CIDEA: variants seen among roughly 807,000 people sequenced by gnomAD.
CIDEA encodes the protein cell death inducing DFFA like effector a.
In CIDEA, 10 loss-of-function variants were observed where a neutral mutation model predicts 18.2. That is an observed-to-expected ratio of 0.55 (90% CI 0.34 to 0.93). The LOEUF (loss-of-function observed/expected upper bound fraction) is 0.93. Ranked by LOEUF, CIDEA falls within the 40% of genes least tolerant of loss-of-function variation. The pLI, the probability that CIDEA is intolerant of heterozygous loss-of-function variation, is 0.02. For synonymous variants in CIDEA, 128 were observed against 124.8 expected, an observed-to-expected ratio of 1.03 and a Z score of -0.17; for missense variants, 309 against 293.1, an observed-to-expected ratio of 1.05 and a Z score of -0.40.
chr18:12,262,741 TA>T, intron 1 of CIDEA, 83 bp from the exon 2 acceptor site: 1 of 1,315,476 alleles, frequency 7.6e-7, no homozygotes. Context: ...ATGCAAATAT[TA>T]AAAATGCATT....
rs1194472731 is a variant in CIDEA, at chr18:12,277,131, T to C, written c.521T>C (p.Leu174Pro). 1 of 1,614,132 alleles carries C rather than the reference T, an allele frequency of 6.2e-7. No homozygotes were observed. Among genetic ancestry groups the C allele is most frequent in the Non-Finnish European group, 8.5e-7 (1 of 1,180,006 alleles). The part of the protein sequence containing the change: ...TGLKGLLRSL[L>P]RFLSYSAQVT... ...ATCTGCCTCTGCCACAGGAGTCTGC[T>C]GCGGTTCCTGTCCTACTCCGCCCAG... Residue 174 changes from leucine to proline, a missense_variant, in exon 5 of 5, where the codon CTG (leucine) becomes CCG (proline). Transcript: ENST00000320477.
chr18:12,277,454 G>T lies in CIDEA; in HGVS notation c.*184G>T. 2.9e-6 allele frequency: 2 copies of T among 687,688 alleles called. No individual in the cohort carries two copies. Among genetic ancestry groups the T allele is most frequent in the Admixed American group, 2.9e-5 (1 of 34,306 alleles). The allele number at this position is 687,688 out of a possible 1,614,324, so 42.6% of individuals were successfully genotyped here. A position where few individuals can be genotyped will look rare whatever the true frequency, so the allele number is the denominator to read the frequency against. On this transcript the variant is annotated 3_prime_UTR_variant, in exon 5 of 5. Coordinates refer to ENST00000320477, the MANE Select transcript of CIDEA (RefSeq NM_001279.4). Reference sequence around the variant, plus strand: ...ACATGAAGTGGGGGCAGTGGGCAGGGTGCCCTGGGGGGGAGGCATAGAGGG... The same window carrying T: ...ACATGAAGTGGGGGCAGTGGGCAGGTTGCCCTGGGGGGGAGGCATAGAGGG...
At chr18:12,267,620 A>G (rs187587242) in intron 3 of CIDEA, among the ~76,000 whole-genome samples, 1 of 152,236 alleles carries the variant, frequency 6.6e-6, no homozygotes, top group East Asian at 1.9e-4. Flanking sequence ...CAGCCTCCCA[A>G]GTAGCTGGGA....
At chr18:12,254,619 G>T (rs1911965870) in intron 1 of CIDEA, 198 bp downstream of exon 1, 1 of 1,527,160 alleles carries the variant, frequency 6.5e-7, no homozygotes, top group African/African-American at 1.4e-5. Context: ...CGCGCCCGCG[G>T]GCAGAGCCCA....
In CIDEA at chr18:12,262,980, T is replaced by A; in HGVS notation, c.183+11T>A. ...GAGCTCATCAGCAAGGTGCCCCACA[T>A]CCCGCACCTCTCCCCCAGTCCACAG... On this transcript the variant is annotated intron_variant, in intron 2 of 4. Transcript: ENST00000320477. 6.2e-7 allele frequency: 1 copy of A among 1,613,384 alleles called. No individual in the cohort carries two copies. Among genetic ancestry groups the A allele is most frequent in the Admixed American group, 1.7e-5 (1 of 59,948 alleles).
At chr18:12,265,035 A>G (rs1293462736) in intron 3 of CIDEA, among the ~76,000 whole-genome samples, 1 of 152,232 alleles carries the variant, frequency 6.6e-6, no homozygotes, top group African/African-American at 2.4e-5. Flanking sequence ...GATCCTGTAA[A>G]TGCACGGAAT....
At chr18:12,263,000 C>G in intron 2 of CIDEA, 31 bp downstream of exon 2, 1 of 1,609,746 alleles carries the variant, frequency 6.2e-7, no homozygotes, top group Non-Finnish European at 8.5e-7. Context: ...CTCCCCCAGT[C>G]CACAGGGGTG....
At chr18:12,268,147 C>A (rs75685303) in intron 3 of CIDEA, among the ~76,000 whole-genome samples, 8 of 150,482 alleles carry the variant, frequency 5.3e-5, no homozygotes, top group African/African-American at 2.0e-4. Context: ...TCACTGCAAC[C>A]TATGCCTCCT....
chr18:12,269,961 A>C (rs1427509074), intron 3 of CIDEA, among the ~76,000 whole-genome samples: 1 of 152,020 alleles, frequency 6.6e-6, no homozygotes, highest in Non-Finnish European at 1.5e-5. Context: ...GCCTCCCAAA[A>C]TGTTGGGATT....
chr18:12,270,900 T>TTTTC, intron 3 of CIDEA, among the ~76,000 whole-genome samples: 1 of 135,388 alleles, frequency 7.4e-6, no homozygotes, highest in East Asian at 2.2e-4. Flanking sequence ...TTTTCTTTTT[T>TTTTC]TTTTTTTTTT....
chr18:12,271,107 C>CA (rs1912515639), intron 3 of CIDEA, among the ~76,000 whole-genome samples: 1 of 152,038 alleles, frequency 6.6e-6, no homozygotes, highest in South Asian at 2.1e-4. Flanking sequence ...CCATGTTGGC[C>CA]AGGCTGGTCT....
At chr18:12,268,512 C>G (rs1912424504) in intron 3 of CIDEA, among the ~76,000 whole-genome samples, 2 of 151,200 alleles carry the variant, frequency 1.3e-5, no homozygotes, top group Non-Finnish European at 3.0e-5. Flanking sequence ...CTCAGCCTCC[C>G]AAGTAGCTGG....
intron 4 of CIDEA, among the ~76,000 whole-genome samples, chr18:12,275,773 T>C (rs371833606): frequency 3.9e-4 from 59 of 152,312 alleles, no homozygotes; most frequent in Non-Finnish European, 6.8e-4. Context: ...CATCAGTGGC[T>C]GACTCTAAAC....
In CIDEA at chr18:12,264,373, G is replaced by A. The variant is rs375537267; in HGVS notation, c.250G>A (p.Val84Met). The A allele has an allele frequency of 1.4e-5, 23 of 1,613,948 alleles. No homozygotes were observed. Among genetic ancestry groups the A allele is most frequent in the Non-Finnish European group, 1.9e-5 (23 of 1,179,936 alleles). Residue 84 changes from valine (V) to methionine (M), a missense_variant, in exon 3 of 5, where the codon GTG (valine) becomes ATG (methionine). Physicochemically the swap from Val to Met is conservative, Grantham distance 21. Coordinates refer to ENST00000320477, the MANE Select transcript of CIDEA (RefSeq NM_001279.4). ...GGTGCTGGAGGAAGATGGCACCGTGGTGGACACAGAAGAGTTCTTTCAGAC... is the reference window on the plus strand; with the variant it reads ...GGTGCTGGAGGAAGATGGCACCGTGATGGACACAGAAGAGTTCTTTCAGAC... Reference protein sequence around the residue: ...TLVLEEDGTVVDTEEFFQTLG... With the variant: ...TLVLEEDGTVMDTEEFFQTLG...
intron 1 of CIDEA, among the ~76,000 whole-genome samples, chr18:12,260,270 G>T (rs1054502919): frequency 6.6e-6 from 1 of 152,036 alleles, no homozygotes; most frequent in Non-Finnish European, 1.5e-5. Context: ...CCCAATCTAG[G>T]GCTCGAGCAA....
chr18:12,254,890 G>A, intron 1 of CIDEA: 4 of 1,292,672 alleles, frequency 3.1e-6, no homozygotes, highest in Non-Finnish European at 4.1e-6. Context: ...CCCAGGCTTG[G>A]CCCCTCCTGG....
chr18:12,276,327 C>T (rs1395460564), intron 4 of CIDEA, among the ~76,000 whole-genome samples: 1 of 152,020 alleles, frequency 6.6e-6, no homozygotes, highest in Non-Finnish European at 1.5e-5. Flanking sequence ...GGGTCTCACA[C>T]TGTCCCCCAG....
intron 3 of CIDEA, among the ~76,000 whole-genome samples, chr18:12,272,492 T>C (rs1051722728): frequency 6.6e-6 from 1 of 151,724 alleles, no homozygotes; most frequent in Non-Finnish European, 1.5e-5. Context: ...GGATTACAGG[T>C]GTGCACCACC....
chr18:12,264,441 G>A lies in CIDEA; in HGVS notation c.318G>A (p.Gln106=). Residue 106 remains glutamine, a synonymous_variant, in exon 3 of 5, where the codon CAG becomes CAA. Transcript: ENST00000320477. Reference sequence around the variant, plus strand: ...ATTTCATGATCTTGGAAAAAGGACAGAAGTGGATGCCGGTAAGCAAAAACA... The same window carrying A: ...ATTTCATGATCTTGGAAAAAGGACAAAAGTGGATGCCGGTAAGCAAAAACA... ...NTHFMILEKG[Q]KWMPGSQHVP... is the part of the protein sequence containing the mutation. 1 of 1,613,648 alleles carries A rather than the reference G, an allele frequency of 6.2e-7. No homozygotes were observed. Among genetic ancestry groups the A allele is most frequent in the Admixed American group, 1.7e-5 (1 of 59,962 alleles).
Sources: gnomAD v4.1 joint callset for allele counts (sites outside exome capture counted in the v4.1 genomes callset) on GRCh38, gnomAD v4.1.1 for gene constraint, MANE v1.5 for transcripts, NCBI Gene and HGNC (gene_info 2026-07-23, HGNC 2026-07-21) for gene names.